STRAP: variants seen among roughly 807,000 people sequenced by gnomAD.
The protein encoded by STRAP is serine/threonine kinase receptor associated protein, also known as serine-threonine kinase receptor-associated protein.
Under a neutral mutation model 47.0 loss-of-function variants are expected in STRAP, and 16 were observed. The observed-to-expected ratio is 0.34, with a 90% CI of 0.23 to 0.52. The LOEUF is 0.52. STRAP is among the 20% of genes least tolerant of loss of function. STRAP has a pLI of 0.96. For synonymous variants in STRAP, 130 were observed against 142.7 expected (o/e 0.91, Z 0.63); for missense variants, 293 against 420.0 (o/e 0.70, Z 2.64).
intron 1 of STRAP, chr12:15,883,052 C>T: frequency 1.3e-6 from 2 of 1,535,406 alleles, no homozygotes; most frequent in Non-Finnish European, 1.7e-6. Context: ...AGACCTCTCT[C>T]CTTATTTTAT....
chr12:15,887,254 C>T lies in STRAP; in HGVS notation c.249-2674C>T, dbSNP rs1451888083. Among the ~76,000 whole-genome samples, 1 of 152,036 alleles carries T rather than the reference C, an allele frequency of 6.6e-6. No homozygotes were observed. The highest frequency in any genetic ancestry group is 1.9e-4 in the East Asian group (1 of 5,188). On this transcript the variant is annotated intron_variant, in intron 2 of 9. Coordinates refer to ENST00000419869, the MANE Select transcript of STRAP (RefSeq NM_007178.4). This position sits in a 1 kb window ranked among gnomAD's most constrained non-coding sequence, Gnocchi z 5.5. ...TAAGCAGCTCCTATTATGAGACTTA[C>T]GGTAAGTTCATTCTGAGGATATGGA... is the stretch of plus-strand genomic sequence containing the variant.
At chr12:15,883,032 C>CCTCCAA in intron 1 of STRAP, 2 of 1,528,674 alleles carry the variant, frequency 1.3e-6, no homozygotes, top group South Asian at 2.4e-5. Context: ...GAAACTATTA[C>CCTCCAA]CTCCAACTAA....
chr12:15,893,829 G>A (rs185711885), intron 4 of STRAP, among the ~76,000 whole-genome samples: 3 of 151,892 alleles, frequency 2.0e-5, no homozygotes, highest in Admixed American at 2.0e-4. Context: ...TAGCAAGCAT[G>A]GTAGTTCCTT....
At chr12:15,902,695 G>A (rs1948114825) in intron 9 of STRAP, among the ~76,000 whole-genome samples, 2 of 152,114 alleles carry the variant, frequency 1.3e-5, no homozygotes, top group Non-Finnish European at 2.9e-5. Flanking sequence ...TGGTGTAAGA[G>A]AATCTAGTGG....
intron 2 of STRAP, among the ~76,000 whole-genome samples, chr12:15,884,126 C>T (rs372884757): frequency 5.9e-5 from 9 of 152,146 alleles, no homozygotes; most frequent in East Asian, 5.8e-4. Flanking sequence ...CAAAACTCAG[C>T]TGCTCGTCAT....
In STRAP at chr12:15,894,399, C is replaced by T. The variant is rs962027368; in HGVS notation, c.500+256C>T. Among the ~76,000 whole-genome samples the T allele has an allele frequency of 7.9e-5, 12 of 152,178 alleles. No homozygotes were observed. The highest frequency in any genetic ancestry group is 1.2e-4 in the Non-Finnish European group (8 of 68,036). ...ACTTGAACCTGCGAGGCAGAGGTTG[C>T]GGTGAGTCGAGATCGTGCCATTGCA... On this transcript the variant is annotated intron_variant, in intron 5 of 9. Coordinates refer to ENST00000419869, the MANE Select transcript of STRAP (RefSeq NM_007178.4). This position sits in a 1 kb window ranked among gnomAD's most constrained non-coding sequence, Gnocchi z 4.9.
At chr12:15,882,991 C>T (rs1947936385) in intron 1 of STRAP, 172 bp downstream of exon 1, 4 of 1,443,334 alleles carry the variant, frequency 2.8e-6, no homozygotes, top group Non-Finnish European at 3.8e-6. Flanking sequence ...GTTAGGGAAT[C>T]CGCAGCTGGA....
chr12:15,884,551 C>CT (rs1232123053), intron 2 of STRAP, among the ~76,000 whole-genome samples: 1 of 148,132 alleles, frequency 6.8e-6, no homozygotes, highest in South Asian at 2.1e-4. Flanking sequence ...ATATTTTATA[C>CT]TTTTTACTAC....
intron 9 of STRAP, 22 bp from the exon 10 acceptor site, chr12:15,902,885 CTTTTTTTTTT>C (rs71042274): frequency 1.4e-5 from 15 of 1,102,834 alleles, no homozygotes; most frequent in Non-Finnish European, 7.0e-6. Context: ...ACTAATGTGA[CTTTTTTTTTT>C]TTTTTTTTTT....
intron 2 of STRAP, among the ~76,000 whole-genome samples, chr12:15,885,695 G>C (rs1006415396): frequency 6.6e-6 from 1 of 152,176 alleles, no homozygotes; most frequent in Non-Finnish European, 1.5e-5. Context: ...CTCAATGTCT[G>C]TGTTTACAAG....
intron 4 of STRAP, among the ~76,000 whole-genome samples, chr12:15,893,447 A>G (rs1037545042): frequency 6.8e-6 from 1 of 146,986 alleles, no homozygotes; most frequent in African/African-American, 2.5e-5. Flanking sequence ...CTTTTTATTT[A>G]TTATACATAT....
At chr12:15,883,780 C>T in intron 2 of STRAP, 104 bp downstream of exon 2, 2 of 1,441,696 alleles carry the variant, frequency 1.4e-6, no homozygotes, top group South Asian at 2.6e-5. Flanking sequence ...GACTCACTGG[C>T]TGCCATACAG....
In STRAP at chr12:15,882,822, G is replaced by T; in HGVS notation, c.112+3G>T. ...TTTCTTAATCAGCGCTTGCAAAGGT[G>T]AGCAAGGCCGCAATCCTGGTCCTCG... On this transcript the variant is annotated splice_donor_region_variant and intron_variant, in intron 1 of 9. Coordinates refer to ENST00000419869, the MANE Select transcript of STRAP (RefSeq NM_007178.4). 1 of 1,610,674 alleles carries T rather than the reference G, an allele frequency of 6.2e-7. No individual in the cohort carries two copies. The highest frequency in any genetic ancestry group is 8.5e-7 in the Non-Finnish European group (1 of 1,178,354).
At position 15,900,996 on chromosome 12, in the gene STRAP, A is replaced by C; in HGVS notation, c.975A>C (p.Thr325=). ...AGCCAAAGATTGGTTTTCCAGAGAC[A>C]ACAGAAGAGGAGCTAGGTAAATGCT... is the stretch of plus-strand genomic sequence containing the variant. ...LAKPKIGFPE[T]TEEELEEIAS... Residue 325 remains threonine (T), a synonymous_variant, in exon 9 of 10, where the codon ACA becomes ACC. Coordinates refer to ENST00000419869, the MANE Select transcript of STRAP (RefSeq NM_007178.4). The C allele has an allele frequency of 6.3e-7, 1 of 1,598,138 alleles. No individual in the cohort carries two copies. Among genetic ancestry groups the C allele is most frequent in the South Asian group, 1.1e-5 (1 of 87,952 alleles).
At chr12:15,902,770 G>A (rs1269211530) in intron 9 of STRAP, 147 bp from the exon 10 acceptor site, 2 of 887,242 alleles carry the variant, frequency 2.3e-6, no homozygotes, top group African/African-American at 1.7e-5. Flanking sequence ...TTAGTGGCAT[G>A]TGCAGTTGCT....
chr12:15,893,452 A>C (rs2136110807), intron 4 of STRAP, among the ~76,000 whole-genome samples: 1 of 147,072 alleles, frequency 6.8e-6, no homozygotes, highest in South Asian at 2.1e-4. Flanking sequence ...TATTTATTAT[A>C]CATATAATAA....
At position 15,882,672 on chromosome 12, in the gene STRAP, C is replaced by T. The variant is rs1192950740; in HGVS notation, c.-36C>T. On this transcript the variant is annotated 5_prime_UTR_variant, in exon 1 of 10. Transcript: ENST00000419869. ...AGAGAGAAAAGACAACGACGACCCTCAGCTCGCCAGTCCGGTCGCTGGCTT... is the reference window on the plus strand; with the variant it reads ...AGAGAGAAAAGACAACGACGACCCTTAGCTCGCCAGTCCGGTCGCTGGCTT... The T allele has an allele frequency of 1.9e-5, 30 of 1,565,118 alleles. No individual in the cohort carries two copies. Among genetic ancestry groups the T allele is most frequent in the Non-Finnish European group, 2.5e-5 (29 of 1,150,258 alleles).
chr12:15,887,932 T>G lies in STRAP; in HGVS notation c.249-1996T>G, dbSNP rs1281393194. On this transcript the variant is annotated intron_variant, in intron 2 of 9. Coordinates refer to ENST00000419869, the MANE Select transcript of STRAP (RefSeq NM_007178.4). The surrounding 1 kb of genome is among the most constrained non-coding windows in gnomAD (Gnocchi z 5.5). ...TTGCCCGGGTTTCTTTGGAGACTTGTGAATAATTAGAATAGTAATTTTAGA... is the reference window on the plus strand; with the variant it reads ...TTGCCCGGGTTTCTTTGGAGACTTGGGAATAATTAGAATAGTAATTTTAGA... Among the ~76,000 whole-genome samples the G allele has an allele frequency of 6.6e-6, 1 of 152,252 alleles. No homozygotes were observed. The highest frequency in any genetic ancestry group is 1.5e-5 in the Non-Finnish European group (1 of 68,040).
chr12:15,901,652 G>A (rs1948104230), intron 9 of STRAP, among the ~76,000 whole-genome samples: 1 of 151,978 alleles, frequency 6.6e-6, no homozygotes, highest in African/African-American at 2.4e-5. Flanking sequence ...GATTGCCTTG[G>A]TAGTTCAAGA....
Sources: gnomAD v4.1 joint callset for allele counts (sites outside exome capture counted in the v4.1 genomes callset) on GRCh38, gnomAD v4.1.1 for gene constraint, Gnocchi (gnomAD v3.1) non-coding constraint, MANE v1.5 for transcripts, NCBI Gene and HGNC (gene_info 2026-07-23, HGNC 2026-07-21) for gene names.